The following ADAMTS18 variants were observed in gnomAD, a reference collection of about 807,000 sequenced individuals.
The protein encoded by ADAMTS18 is A disintegrin and metalloproteinase with thrombospondin motifs 18.
A neutral mutation model predicts 165.9 loss-of-function variants in ADAMTS18; 157 were observed. The ratio of observed to expected loss-of-function variants is 0.95; its 90% CI spans 0.83 to 1.08. ADAMTS18 has a LOEUF of 1.08. Among genes scored for constraint, ADAMTS18 ranks in the 50% least tolerant of loss-of-function variants. The pLI, the probability that ADAMTS18 is intolerant of heterozygous loss-of-function variation, is 0.00. For missense variants in ADAMTS18, 2,040 were observed against 1,534.0 expected, an observed-to-expected ratio of 1.33 and a Z score of -5.51; for synonymous variants, 782 against 578.2, an observed-to-expected ratio of 1.35 and a Z score of -5.06.
At chr16:77,426,370 A>G (rs908799332) in intron 3 of ADAMTS18, among the ~76,000 whole-genome samples, 5 of 152,170 alleles carry the variant, frequency 3.3e-5, no homozygotes, top group African/African-American at 1.2e-4. Context: ...CATTGGCCAA[A>G]GAAGTTAGGG....
At chr16:77,365,724 T>G (rs1597177408) in intron 4 of ADAMTS18, among the ~76,000 whole-genome samples, 1 of 152,218 alleles carries the variant, frequency 6.6e-6, no homozygotes, top group African/African-American at 2.4e-5. Context: ...GAAGTAACTG[T>G]GTACTAACTA....
intron 10 of ADAMTS18, among the ~76,000 whole-genome samples, chr16:77,345,610 T>C (rs1403869813): frequency 6.6e-6 from 1 of 152,226 alleles, no homozygotes; most frequent in East Asian, 1.9e-4. Flanking sequence ...TAGAGCTGTA[T>C]TATCCAATAT....
chr16:77,339,940 C>G (rs562078153), intron 11 of ADAMTS18, among the ~76,000 whole-genome samples: 43 of 152,298 alleles, frequency 2.8e-4, no homozygotes, highest in African/African-American at 9.6e-4. Context: ...ATGTTGGCCT[C>G]TCTCTGAAAA....
At chr16:77,418,445 A>C (rs547581703) in intron 3 of ADAMTS18, among the ~76,000 whole-genome samples, 1 of 152,270 alleles carries the variant, frequency 6.6e-6, no homozygotes, top group South Asian at 2.1e-4. Context: ...GGGGGTTGCT[A>C]CTGGAATCTA....
chr16:77,313,684 C>T (rs1004823143), intron 16 of ADAMTS18, among the ~76,000 whole-genome samples: 3 of 152,068 alleles, frequency 2.0e-5, no homozygotes, highest in Non-Finnish European at 2.9e-5. Flanking sequence ...ATGCATGTAC[C>T]CCTGTTTCCC....
chr16:77,327,811 A>T (rs1481393885), intron 12 of ADAMTS18, among the ~76,000 whole-genome samples: 1 of 152,116 alleles, frequency 6.6e-6, no homozygotes, highest in Non-Finnish European at 1.5e-5. Flanking sequence ...CCATTTCCTA[A>T]TACTCTCAGT....
At chr16:77,415,895 A>T (rs2057524162) in intron 3 of ADAMTS18, among the ~76,000 whole-genome samples, 1 of 152,202 alleles carries the variant, frequency 6.6e-6, no homozygotes, top group South Asian at 2.1e-4. Flanking sequence ...GGATAATTAC[A>T]TACATTCATG....
chr16:77,370,850 G>C (rs1215845238), intron 3 of ADAMTS18, among the ~76,000 whole-genome samples: 1 of 151,728 alleles, frequency 6.6e-6, no homozygotes, highest in Non-Finnish European at 1.5e-5. Flanking sequence ...AGGAGGTGAA[G>C]ATCTCTACAA....
At chr16:77,341,475 C>G (rs544974546) in intron 11 of ADAMTS18, among the ~76,000 whole-genome samples, 1 of 152,020 alleles carries the variant, frequency 6.6e-6, no homozygotes, top group South Asian at 2.1e-4. Flanking sequence ...AAGCCACCAT[C>G]TAAAACAGGA....
intron 12 of ADAMTS18, among the ~76,000 whole-genome samples, 200 bp downstream of exon 12, chr16:77,335,556 C>T (rs917272421): frequency 1.4e-4 from 21 of 151,976 alleles, no homozygotes; most frequent in African/African-American, 3.9e-4. Context: ...GTGATGGATA[C>T]CTCATTATGC....
At chr16:77,389,198 A>G (rs2057151816) in intron 3 of ADAMTS18, among the ~76,000 whole-genome samples, 1 of 152,168 alleles carries the variant, frequency 6.6e-6, no homozygotes, top group Non-Finnish European at 1.5e-5. Flanking sequence ...CTAGTCAAGA[A>G]GGAGGCTGAA....
intron 17 of ADAMTS18, 34 bp downstream of exon 17, chr16:77,300,229 C>A (rs745523331): frequency 6.2e-7 from 1 of 1,613,466 alleles, no homozygotes; most frequent in East Asian, 2.2e-5. Flanking sequence ...TTAAGAGAGA[C>A]AGACTTTGGA....
In ADAMTS18 at chr16:77,341,691, G is replaced by A; in HGVS notation, c.1710+13C>T. On this transcript the variant is annotated intron_variant, in intron 11 of 22. Transcript: ENST00000282849. ...AATTTCTGGAGCTAAAAACTAACAA[G>A]TATGCAGTTTACCATACTCAAGCCA... The A allele has an allele frequency of 6.2e-7, 1 of 1,608,386 alleles. No individual in the cohort carries two copies. Among genetic ancestry groups the A allele is most frequent in the Non-Finnish European group, 8.5e-7 (1 of 1,175,768 alleles).
At chr16:77,416,936 G>A (rs761425701) in intron 3 of ADAMTS18, among the ~76,000 whole-genome samples, 1 of 152,148 alleles carries the variant, frequency 6.6e-6, no homozygotes, top group African/African-American at 2.4e-5. Context: ...ACTGACCTGG[G>A]AGCAATGAAG....
rs191424765 is a variant in ADAMTS18, at chr16:77,332,727, G to A, written c.1859+3029C>T. Among the ~76,000 whole-genome samples, 343 of 152,244 alleles carry A rather than the reference G, an allele frequency of 2.3e-3. 2 individuals are homozygous for A. The highest frequency in any genetic ancestry group is 7.5e-3 in the African/African-American group (310 of 41,556). Reference sequence around the variant, plus strand: ...ATAAAACCACCTTCATGTGCACAGAGCACAAACTGCAGTTCAGACTCCAGT... The same window carrying A: ...ATAAAACCACCTTCATGTGCACAGAACACAAACTGCAGTTCAGACTCCAGT... On this transcript the variant is annotated intron_variant, in intron 12 of 22. Coordinates refer to ENST00000282849, the MANE Select transcript of ADAMTS18 (RefSeq NM_199355.4).
chr16:77,401,218 C>A (rs548510905), intron 3 of ADAMTS18, among the ~76,000 whole-genome samples: 2 of 152,142 alleles, frequency 1.3e-5, no homozygotes, highest in African/African-American at 4.8e-5. Context: ...CATACCACTT[C>A]ACTCCAGCCT....
At chr16:77,406,191 G>C (rs1205623848) in intron 3 of ADAMTS18, among the ~76,000 whole-genome samples, 2 of 152,040 alleles carry the variant, frequency 1.3e-5, no homozygotes, top group Non-Finnish European at 2.9e-5. Context: ...TTTTATACCA[G>C]AAAGCCAAAG....
At chr16:77,388,381 T>A (rs146418120) in intron 3 of ADAMTS18, among the ~76,000 whole-genome samples, 127 of 152,308 alleles carry the variant, frequency 8.3e-4, no homozygotes, top group African/African-American at 2.9e-3. Context: ...GTTACAGGTA[T>A]GAGCCACTGT....
At position 77,380,369 on chromosome 16, in the gene ADAMTS18, A is replaced by C. The variant is rs540296789; in HGVS notation, c.496-12646T>G. Among the ~76,000 whole-genome samples the C allele has an allele frequency of 2.0e-4, 30 of 152,324 alleles. No individual in the cohort carries two copies. The South Asian group carries it at 5.8e-3, about 29-fold the overall frequency. On this transcript the variant is annotated intron_variant, in intron 3 of 22. Coordinates refer to ENST00000282849, the MANE Select transcript of ADAMTS18 (RefSeq NM_199355.4). ...ATTGATTTAGCTAATTATAATCTCT[A>C]CTGAAATAAACACTTAATGACTTCA...
Sources: allele counts gnomAD v4.1 joint callset (sites outside exome capture counted in the v4.1 genomes callset), GRCh38; gene constraint gnomAD v4.1.1; transcripts MANE v1.5; gene names NCBI Gene and HGNC (gene_info 2026-07-23, HGNC 2026-07-21).